The following DNAJC10 variants were observed in gnomAD, a reference collection of about 807,000 sequenced individuals.
DNAJC10 encodes DnaJ heat shock protein family (Hsp40) member C10, also known as endoplasmic reticulum disulfide reductase DNAJC10.
In DNAJC10, 101 loss-of-function variants were observed where a neutral mutation model predicts 115.0. The observed-to-expected ratio is 0.88, with a 90% CI of 0.75 to 1.04. The LOEUF is 1.04. Among genes scored for constraint, DNAJC10 ranks in the 50% least tolerant of loss-of-function variants. The pLI is 0.00. For missense variants in DNAJC10, 981 were observed against 928.8 expected (o/e 1.06, Z -0.73); for synonymous variants, 307 against 301.5 (o/e 1.02, Z -0.19).
At chr2:182,727,408 A>C (rs2105617875) in intron 5 of DNAJC10, among the ~76,000 whole-genome samples, 2 of 152,318 alleles carry the variant, frequency 1.3e-5, no homozygotes, top group Admixed American at 1.3e-4. Context: ...CCCTTCTTTC[A>C]TTAAAGTTTG....
At chr2:182,729,058 AAAT>A in intron 7 of DNAJC10, 64 bp downstream of exon 7, 1 of 1,502,122 alleles carries the variant, frequency 6.7e-7, no homozygotes, top group East Asian at 2.3e-5. Flanking sequence ...ATAGTAGAGA[AAAT>A]AACAGTATGT....
In DNAJC10 at chr2:182,789,599, T is replaced by C. The variant is rs1695013929; in HGVS notation, c.*12467T>C. On this transcript the variant is annotated 3_prime_UTR_variant, in exon 24 of 24. Transcript: ENST00000264065. ...TTTTGTTATTCGTCCGTTGATAGGC[T>C]GCCTTCACCCTTTGGCCATTGCAAA... The C allele has an allele frequency of 6.6e-6, 1 of 152,246 alleles. No homozygotes were observed. The highest frequency in any genetic ancestry group is 6.5e-5 in the Admixed American group (1 of 15,284). The allele number at this position is 152,246 out of a possible 1,614,324, so 9.4% of individuals were successfully genotyped here.
intron 13 of DNAJC10, 128 bp from the exon 14 acceptor site, chr2:182,743,470 C>T (rs1487989645): frequency 1.6e-5 from 10 of 629,352 alleles, no homozygotes; most frequent in Admixed American, 3.2e-5. Flanking sequence ...CTCTTATTTT[C>T]GTAGCCTATT....
chr2:182,749,087 A>G (rs952736170), intron 14 of DNAJC10, among the ~76,000 whole-genome samples: 1 of 152,090 alleles, frequency 6.6e-6, no homozygotes, highest in African/African-American at 2.4e-5. Context: ...GGTGTGGCCA[A>G]TTTTGGAATA....
At chr2:182,722,112 C>A (rs367976799) in intron 5 of DNAJC10, 37 bp downstream of exon 5, 3 of 1,393,794 alleles carry the variant, frequency 2.2e-6, no homozygotes, top group African/African-American at 2.9e-5. Context: ...AAAACTAATA[C>A]AAGTTCGATC....
Position 182,729,929 on chromosome 2 carries a change from G to T in DNAJC10, c.715G>T (p.Glu239Ter). The change falls in exon 8 of 24, where the codon GAA becomes TAA. Residue 239 changes from glutamate to a stop codon, truncating the protein, a stop_gained. Coordinates refer to ENST00000264065, the MANE Select transcript of DNAJC10 (RefSeq NM_018981.4). LOFTEE classifies it high-confidence loss of function. ...GCAGCATGTTAGAAGTACAGTGACA[G>T]AACTTTGGACAGGTAATTTTATTTT... ...AMQHVRSTVT[E>*]LWTGNFVNSI... 6.2e-7 allele frequency: 1 copy of T among 1,601,140 alleles called. No homozygotes were observed. Among genetic ancestry groups the T allele is most frequent in the South Asian group, 1.1e-5 (1 of 89,114 alleles).
chr2:182,751,597 A>G, intron 14 of DNAJC10, 61 bp from the exon 15 acceptor site: 1 of 1,550,200 alleles, frequency 6.5e-7, no homozygotes, highest in South Asian at 1.2e-5. Context: ...AAACTTTGAA[A>G]TGTCTCTGTG....
intron 1 of DNAJC10, among the ~76,000 whole-genome samples, 158 bp from the exon 2 acceptor site, chr2:182,716,858 G>C (rs961540058): frequency 2.6e-5 from 4 of 152,164 alleles, no homozygotes; most frequent in Non-Finnish European, 5.9e-5. Context: ...CCGGTAGCTC[G>C]GGCCACGGGC....
Position 182,788,291 on chromosome 2 carries a change from G to T in DNAJC10, c.*11159G>T. The T allele has an allele frequency of 5.9e-6, 1 of 169,854 alleles. No homozygotes were observed. Among genetic ancestry groups the T allele is most frequent in the South Asian group, 1.5e-4 (1 of 6,864 alleles). 10.5% of individuals were successfully genotyped at this position (169,854 alleles called of 1,614,324 possible). A position where few individuals can be genotyped will look rare whatever the true frequency, so the allele number is the denominator to read the frequency against. The stretch of plus-strand genomic sequence containing the variant: ...CGTTGATACCAGCCTCTACAAAGCT[G>T]TCGGGGCCAGGCGAATAAAGGATGT... On this transcript the variant is annotated 3_prime_UTR_variant, in exon 24 of 24. Transcript: ENST00000264065.
At chr2:182,766,497 G>C (rs1214718395) in intron 22 of DNAJC10, among the ~76,000 whole-genome samples, 1 of 152,084 alleles carries the variant, frequency 6.6e-6, no homozygotes, top group Non-Finnish European at 1.5e-5. Flanking sequence ...TTTATGTCTT[G>C]GTGAGGAAAA....
Position 182,785,916 on chromosome 2 carries a change from A to G in DNAJC10, c.*8784A>G, listed in dbSNP as rs1694937885. The G allele has an allele frequency of 6.6e-6, 1 of 152,140 alleles. No homozygotes were observed. Among genetic ancestry groups the G allele is most frequent in the African/African-American group, 2.4e-5 (1 of 41,432 alleles). The allele number at this position is 152,140 out of a possible 1,614,324, so 9.4% of individuals were successfully genotyped here. A position where few individuals can be genotyped will look rare whatever the true frequency, so the allele number is the denominator to read the frequency against. ...ATTCTAATGACTTTTTTTAATAATG[A>G]AAATGTTTGGCATTTGCTTTAAAAT... On this transcript the variant is annotated 3_prime_UTR_variant, in exon 24 of 24. Coordinates refer to ENST00000264065, the MANE Select transcript of DNAJC10 (RefSeq NM_018981.4).
In DNAJC10 at chr2:182,741,170, A is replaced by G. The variant is rs546362980; in HGVS notation, c.1078-73A>G. 24 of 1,025,596 alleles carry G rather than the reference A, an allele frequency of 2.3e-5. No individual in the cohort carries two copies. The African/African-American group carries it at 3.8e-4, about 16-fold the overall frequency. The allele number at this position is 1,025,596 out of a possible 1,614,324, so 63.5% of individuals were successfully genotyped here. On this transcript the variant is annotated intron_variant, in intron 12 of 23. Coordinates refer to ENST00000264065, the MANE Select transcript of DNAJC10 (RefSeq NM_018981.4). ...GGTAGGGGAGCTAAAACTAACTTCA[A>G]GTCATAGAAATGAAGATTAGAACCC...
intron 22 of DNAJC10, among the ~76,000 whole-genome samples, chr2:182,765,627 G>A (rs1054465375): frequency 6.6e-6 from 1 of 152,180 alleles, no homozygotes; most frequent in South Asian, 2.1e-4. Flanking sequence ...TCCCCAGGTA[G>A]TGTTAGGTGC....
chr2:182,735,517 A>G (rs1196321783), intron 10 of DNAJC10, among the ~76,000 whole-genome samples: 1 of 151,928 alleles, frequency 6.6e-6, no homozygotes, highest in East Asian at 1.9e-4. Flanking sequence ...TTTCTTATTT[A>G]TTCTGATTGA....
At chr2:182,735,741 C>T (rs1693566545) in intron 10 of DNAJC10, among the ~76,000 whole-genome samples, 1 of 152,076 alleles carries the variant, frequency 6.6e-6, no homozygotes, top group Non-Finnish European at 1.5e-5. Flanking sequence ...ACTTTTCGTA[C>T]AGGATTTTTG....
Position 182,774,182 on chromosome 2 carries a change from G to C in DNAJC10, c.2266-1134G>C, listed in dbSNP as rs147395139. Among the ~76,000 whole-genome samples, 739 of 152,338 alleles carry C rather than the reference G, an allele frequency of 4.9e-3. 2 individuals are homozygous for C. Among genetic ancestry groups the C allele is most frequent in the African/African-American group, 0.017 (693 of 41,574 alleles). On this transcript the variant is annotated intron_variant, in intron 22 of 23. Coordinates refer to ENST00000264065, the MANE Select transcript of DNAJC10 (RefSeq NM_018981.4). The stretch of plus-strand genomic sequence containing the variant: ...AGGCTGCAGAACAGCAAATATTGCA[G>C]AACAGCAAATATTGCTGCCTGATGC...
chr2:182,747,941 G>C (rs1189409199), intron 14 of DNAJC10, among the ~76,000 whole-genome samples: 12 of 145,032 alleles, frequency 8.3e-5, no homozygotes, highest in Non-Finnish European at 1.2e-4. Flanking sequence ...TAGCATGAAG[G>C]GTTGTTGAAT....
chr2:182,772,262 G>A (rs1175391007), intron 22 of DNAJC10, among the ~76,000 whole-genome samples: 1 of 152,212 alleles, frequency 6.6e-6, no homozygotes, highest in Non-Finnish European at 1.5e-5. Context: ...TTTAGAATAA[G>A]TGCAGTGTAG....
intron 12 of DNAJC10, among the ~76,000 whole-genome samples, chr2:182,740,749 A>G (rs1223795505): frequency 6.6e-6 from 1 of 152,182 alleles, no homozygotes; most frequent in Non-Finnish European, 1.5e-5. Flanking sequence ...TATGGATAGA[A>G]TGCTGAGAAA....
Sources: allele counts gnomAD v4.1 joint callset (sites outside exome capture counted in the v4.1 genomes callset), GRCh38; gene constraint gnomAD v4.1.1; transcripts MANE v1.5; gene names NCBI Gene and HGNC (gene_info 2026-07-23, HGNC 2026-07-21).